The following KLRG2 variants were observed in gnomAD, a reference collection of about 807,000 sequenced individuals.
KLRG2 encodes the protein killer cell lectin like receptor G2.
Under a neutral mutation model 35.4 loss-of-function variants are expected in KLRG2, and 39 were observed. The ratio of observed to expected loss-of-function variants is 1.10; its 90% confidence interval spans 0.85 to 1.44. The LOEUF is 1.44. KLRG2 is among the 40% of genes most tolerant of loss of function. KLRG2 has a pLI of 0.00. For synonymous variants in KLRG2, 283 were observed against 265.8 expected, an observed-to-expected ratio of 1.06 and a Z score of -0.63; for missense variants, 632 against 570.9, an observed-to-expected ratio of 1.11 and a Z score of -1.09.
the KLRG2 span, among the ~76,000 whole-genome samples, chr7:139,436,611 G>C: frequency 1.3e-5 from 2 of 152,156 alleles, no homozygotes; most frequent in African/African-American, 2.4e-5. Flanking sequence ...AAGAGGGGTC[G>C]AGGCAGGACA....
intron 1 of KLRG2, among the ~76,000 whole-genome samples, chr7:139,481,525 A>C (rs2052026): frequency 0.069 from 10,566 of 152,178 alleles, 688 homozygotes; most frequent in East Asian, 0.39. Context: ...AGCTTTTGCC[A>C]GTTTGCCTGC....
At chr7:139,472,806 G>A (rs1466429482) in intron 3 of KLRG2, among the ~76,000 whole-genome samples, 1 of 152,156 alleles carries the variant, frequency 6.6e-6, no homozygotes, top group Non-Finnish European at 1.5e-5. Flanking sequence ...GCCAATGTAC[G>A]GGAAAAAGGA....
chr7:139,460,592 G>A (rs1259704473), intron 3 of KLRG2, among the ~76,000 whole-genome samples: 1 of 151,958 alleles, frequency 6.6e-6, no homozygotes, highest in Non-Finnish European at 1.5e-5. Flanking sequence ...GAGCCTGGGA[G>A]GTGGAGGCTG....
At chr7:139,443,501 TAGTC>T in the KLRG2 span, among the ~76,000 whole-genome samples, 1 of 152,172 alleles carries the variant, frequency 6.6e-6, no homozygotes, top group Non-Finnish European at 1.5e-5. Flanking sequence ...GAAACAGTAT[TAGTC>T]AGGGTTCTCT....
chr7:139,441,177 A>G, the KLRG2 span, among the ~76,000 whole-genome samples: 4 of 152,372 alleles, frequency 2.6e-5, no homozygotes, highest in East Asian at 7.7e-4. Flanking sequence ...AAGCACACGT[A>G]TGTTTATTGC....
intron 1 of KLRG2, among the ~76,000 whole-genome samples, chr7:139,481,586 C>T (rs1215641616): frequency 6.6e-6 from 1 of 152,156 alleles, no homozygotes. Flanking sequence ...GTCTCTCTAC[C>T]TAGCAGGGAT....
At chr7:139,428,605 T>C in the KLRG2 span, among the ~76,000 whole-genome samples, 1 of 152,104 alleles carries the variant, frequency 6.6e-6, no homozygotes, top group Admixed American at 6.6e-5. Flanking sequence ...AAAGTTTAAT[T>C]TACTTGAAAT....
At chr7:139,480,108 G>A (rs200141092) in intron 2 of KLRG2, 38 bp downstream of exon 2, 3 of 1,327,282 alleles carry the variant, frequency 2.3e-6, no homozygotes, top group East Asian at 4.6e-5. Flanking sequence ...GTAGTGGAGC[G>A]GCAGGGAGAG....
chr7:139,478,133 C>A (rs1013638624), intron 3 of KLRG2, among the ~76,000 whole-genome samples: 1 of 150,792 alleles, frequency 6.6e-6, no homozygotes, highest in Non-Finnish European at 1.5e-5. Flanking sequence ...CTTTGAGAGG[C>A]CGAAGTGGGA....
At chr7:139,432,998 C>T in the KLRG2 span, among the ~76,000 whole-genome samples, 5 of 152,106 alleles carry the variant, frequency 3.3e-5, no homozygotes, top group Non-Finnish European at 7.3e-5. Context: ...TAATAGTCCC[C>T]GCTTCTCAAG....
the KLRG2 span, among the ~76,000 whole-genome samples, chr7:139,429,526 C>T: frequency 7.9e-5 from 12 of 151,628 alleles, no homozygotes; most frequent in East Asian, 9.7e-4. Context: ...TGCGGCCTTC[C>T]GCAGTGTTTG....
chr7:139,449,693 CTTTTTTTT>C (rs547906496), downstream of KLRG2, among the ~76,000 whole-genome samples: 1 of 101,558 alleles, frequency 9.8e-6, no homozygotes, highest in Non-Finnish European at 1.9e-5. Flanking sequence ...TATCCTTATT[CTTTTTTTT>C]TTTTTTTTTT....
the KLRG2 span, among the ~76,000 whole-genome samples, chr7:139,436,084 G>A: frequency 6.6e-6 from 1 of 151,914 alleles, no homozygotes; most frequent in South Asian, 2.1e-4. Flanking sequence ...GTATTTTTTA[G>A]TAGAGACAGG....
In KLRG2 at chr7:139,479,615, C is replaced by A. The variant is rs1195314587; in HGVS notation, c.1005+12G>T. 1 of 1,609,864 alleles carries A rather than the reference C, an allele frequency of 6.2e-7. No homozygotes were observed. Among genetic ancestry groups the A allele is most frequent in the Admixed American group, 1.7e-5 (1 of 59,962 alleles). ...GATCTGTACCCCCTTAGATTGGACA[C>A]CCCCTTCTCACCTGGGTGTGGCTTA... On this transcript the variant is annotated intron_variant, in intron 3 of 4. Coordinates refer to ENST00000340940, the MANE Select transcript of KLRG2 (RefSeq NM_198508.4).
chr7:139,467,071 A>T (rs1206252626), intron 3 of KLRG2, among the ~76,000 whole-genome samples: 1 of 151,870 alleles, frequency 6.6e-6, no homozygotes, highest in Non-Finnish European at 1.5e-5. Flanking sequence ...TGGGACAAAT[A>T]CTCCTTTTAA....
At chr7:139,447,451 A>T in the KLRG2 span, among the ~76,000 whole-genome samples, 1 of 145,072 alleles carries the variant, frequency 6.9e-6, no homozygotes. Flanking sequence ...CCCAGGCTGG[A>T]TTGCAGTGGT....
chr7:139,455,656 T>C (rs1796465518), intron 3 of KLRG2, among the ~76,000 whole-genome samples: 1 of 152,122 alleles, frequency 6.6e-6, no homozygotes, highest in Non-Finnish European at 1.5e-5. Context: ...GTTTAAATCT[T>C]TTAAGTCCCA....
intron 1 of KLRG2, among the ~76,000 whole-genome samples, chr7:139,482,659 C>T (rs1275519256): frequency 2.0e-5 from 3 of 152,184 alleles, no homozygotes; most frequent in Non-Finnish European, 4.4e-5. Context: ...TCCCAAAGTG[C>T]TGGGATTACA....
chr7:139,467,657 C>G (rs918393416), intron 3 of KLRG2, among the ~76,000 whole-genome samples: 1 of 150,808 alleles, frequency 6.6e-6, no homozygotes, highest in East Asian at 1.9e-4. Flanking sequence ...TAAGAGTCAT[C>G]ACCACTCCCT....
Sources: gnomAD v4.1 joint callset for allele counts (sites outside exome capture counted in the v4.1 genomes callset) on GRCh38, gnomAD v4.1.1 for gene constraint, MANE v1.5 for transcripts, NCBI Gene and HGNC (gene_info 2026-07-23, HGNC 2026-07-21) for gene names.